GRIA1: variants seen among roughly 807,000 people sequenced by gnomAD.
GRIA1 encodes the protein glutamate ionotropic receptor AMPA type subunit 1, also known as glutamate receptor 1.
Under a neutral mutation model 99.2 loss-of-function variants are expected in GRIA1, and 31 were observed. The ratio of observed to expected loss-of-function variants is 0.31; its 90% CI spans 0.23 to 0.42. The LOEUF (loss-of-function observed/expected upper bound fraction) is 0.42. Ranked by LOEUF, GRIA1 falls within the 10% of genes least tolerant of loss-of-function variation. The pLI is 1.00. For synonymous variants in GRIA1, 438 were observed against 432.4 expected (o/e 1.01, Z -0.16); for missense variants, 782 against 1,157.5 (o/e 0.68, Z 4.71).
chr5:153,623,077 G>A (rs1767217243), intron 2 of GRIA1, among the ~76,000 whole-genome samples: 1 of 152,188 alleles, frequency 6.6e-6, no homozygotes, highest in South Asian at 2.1e-4. Flanking sequence ...TTTGAACTCA[G>A]GTTGGTTTCA....
In GRIA1 at chr5:153,656,131, G is replaced by A. The variant is rs555052300; in HGVS notation, c.699+259G>A. On this transcript the variant is annotated intron_variant, in intron 5 of 15. Transcript: ENST00000285900. ...CGGCTTTATCATCTTCACAATTCCA[G>A]CTTTAATTGGCTCTGCCCCTTGGCA... Among the ~76,000 whole-genome samples, 10 of 152,220 alleles carry A rather than the reference G, an allele frequency of 6.6e-5. No individual in the cohort carries two copies. The South Asian group carries it at 1.9e-3, about 28-fold the overall frequency.
In GRIA1 at chr5:153,593,407, GAT is replaced by G. The variant is rs987280672; in HGVS notation, c.221-53520_221-53519del. Among the ~76,000 whole-genome samples, 19 of 152,214 alleles carry G rather than the reference GAT, an allele frequency of 1.2e-4. No homozygotes were observed. The South Asian group carries it at 1.7e-3, about 13-fold the overall frequency. On this transcript the variant is annotated intron_variant, in intron 2 of 15. Coordinates refer to ENST00000285900, the MANE Select transcript of GRIA1 (RefSeq NM_000827.4). The stretch of plus-strand genomic sequence containing the variant: ...GGAGTCCATAGCAATGCCGTTTCCT[GAT>G]TTTTCAATTTTAGATATTAGTTTTT...
intron 2 of GRIA1, among the ~76,000 whole-genome samples, chr5:153,505,407 C>A (rs2113271548): frequency 6.6e-6 from 1 of 152,282 alleles, no homozygotes; most frequent in Non-Finnish European, 1.5e-5. Flanking sequence ...ATTTGACATG[C>A]TCTGGCAACT....
rs887065939 is a variant in GRIA1 at position 153,566,963 on chromosome 5, C to T, written c.220+72898C>T. Among the ~76,000 whole-genome samples the T allele has an allele frequency of 6.0e-5, 9 of 151,076 alleles. No homozygotes were observed. The East Asian group carries it at 1.4e-3, about 23-fold the overall frequency. On this transcript the variant is annotated intron_variant, in intron 2 of 15. Coordinates refer to ENST00000285900, the MANE Select transcript of GRIA1 (RefSeq NM_000827.4). Reference sequence around the variant, plus strand: ...AACTCCTGACCTCGGGTGATCCACCCGCCTCGGCCTCCCAAAGTGCTGGGA... The same window carrying T: ...AACTCCTGACCTCGGGTGATCCACCTGCCTCGGCCTCCCAAAGTGCTGGGA...
chr5:153,558,124 G>T (rs1353619642), intron 2 of GRIA1: 3 of 151,942 alleles, frequency 2.0e-5, no homozygotes, highest in Non-Finnish European at 4.4e-5. Flanking sequence ...CATTACTATG[G>T]CCAAGATATC....
chr5:153,532,930 C>T (rs1024276677), intron 2 of GRIA1, among the ~76,000 whole-genome samples: 28 of 152,216 alleles, frequency 1.8e-4, no homozygotes, highest in Non-Finnish European at 3.5e-4. Context: ...TTTTTAAGAA[C>T]ACTTAGCCCA....
At chr5:153,552,496 T>A (rs1319193596) in intron 2 of GRIA1, among the ~76,000 whole-genome samples, 2 of 152,222 alleles carry the variant, frequency 1.3e-5, no homozygotes, top group East Asian at 3.9e-4. Flanking sequence ...AGAACAAGGA[T>A]TTTCTAATGT....
At chr5:153,619,899 A>G (rs1581344732) in intron 2 of GRIA1, among the ~76,000 whole-genome samples, 2 of 152,194 alleles carry the variant, frequency 1.3e-5, no homozygotes, top group South Asian at 4.1e-4. Flanking sequence ...CTTGAGGACA[A>G]TATTTCCCCA....
rs181660630 is a variant in GRIA1 at position 153,581,239 on chromosome 5, C to A, written c.221-65689C>A. 1.6e-4 allele frequency among the ~76,000 whole-genome samples: 24 copies of A among 152,282 alleles called. No individual in the cohort carries two copies. The East Asian group carries it at 4.2e-3, about 27-fold the overall frequency. On this transcript the variant is annotated intron_variant, in intron 2 of 15. Transcript: ENST00000285900. The stretch of plus-strand genomic sequence containing the variant: ...TTCTAAACTGTTCACATCAAATGAA[C>A]CTTAAACATTTACTCCTCTCTTAAA...
chr5:153,530,723 C>G lies in GRIA1; in HGVS notation c.220+36658C>G, dbSNP rs193217752. The stretch of plus-strand genomic sequence containing the variant: ...CCTCCCTATGTCCTTGAGGGCTGCC[C>G]TCTCTGGTAAGGAGCCTTCTTTCTG... On this transcript the variant is annotated intron_variant, in intron 2 of 15. Transcript: ENST00000285900. 2.2e-3 allele frequency among the ~76,000 whole-genome samples: 331 copies of G among 152,338 alleles called. 1 individual carries two copies. Among genetic ancestry groups the G allele is most frequent in the African/African-American group, 7.6e-3 (316 of 41,570 alleles).
chr5:153,631,565 G>T (rs1021958192), intron 2 of GRIA1, among the ~76,000 whole-genome samples: 3 of 152,084 alleles, frequency 2.0e-5, no homozygotes, highest in Non-Finnish European at 4.4e-5. Context: ...TGTAATATTA[G>T]GTATCAGAGA....
intron 2 of GRIA1, among the ~76,000 whole-genome samples, chr5:153,549,672 C>A (rs1413546825): frequency 2.0e-5 from 3 of 152,110 alleles, no homozygotes; most frequent in Admixed American, 2.0e-4. Flanking sequence ...CCTCCCTTTT[C>A]AAAAATTTTC....
At chr5:153,542,457 T>A (rs1399950729) in intron 2 of GRIA1, among the ~76,000 whole-genome samples, 2 of 152,218 alleles carry the variant, frequency 1.3e-5, no homozygotes, top group Admixed American at 1.3e-4. Context: ...AGATGTATAA[T>A]AAATGACATC....
At chr5:153,559,777 A>T (rs1305077276) in intron 2 of GRIA1, among the ~76,000 whole-genome samples, 1 of 152,170 alleles carries the variant, frequency 6.6e-6, no homozygotes, top group Non-Finnish European at 1.5e-5. Flanking sequence ...GGTCATTGTT[A>T]ACCAAAACAT....
intron 2 of GRIA1, among the ~76,000 whole-genome samples, chr5:153,577,194 ATGGATG>A (rs1762647724): frequency 7.8e-6 from 1 of 128,168 alleles, no homozygotes; most frequent in Non-Finnish European, 1.8e-5. Context: ...GGATGGATGG[ATGGATG>A]GGAGAAACAG....
Position 153,743,019 on chromosome 5 carries a change from C to T in GRIA1, c.1824-21415C>T, listed in dbSNP as rs182728538. On this transcript the variant is annotated intron_variant, in intron 11 of 15. Coordinates refer to ENST00000285900, the MANE Select transcript of GRIA1 (RefSeq NM_000827.4). ...GGTGAGGAAATTGAAGCTTAGTGTG[C>T]TTAGGTAACTTGTCCAAGGACACCA... Among the ~76,000 whole-genome samples the T allele has an allele frequency of 2.4e-3, 373 of 152,254 alleles. 8 individuals carry two copies. The South Asian group carries it at 0.056, about 23-fold the overall frequency.
At chr5:153,514,855 AT>A (rs1321507333) in intron 2 of GRIA1, among the ~76,000 whole-genome samples, 6 of 152,352 alleles carry the variant, frequency 3.9e-5, no homozygotes, top group Admixed American at 2.0e-4. Context: ...ATATAAAAAA[AT>A]GTTCCACATC....
chr5:153,613,668 A>G (rs909232407), intron 2 of GRIA1, among the ~76,000 whole-genome samples: 6 of 151,140 alleles, frequency 4.0e-5, no homozygotes, highest in Admixed American at 3.9e-4. Context: ...ACAAACCACA[A>G]TGGCTTTTGC....
Position 153,811,052 on chromosome 5 carries a change from A to G in GRIA1, c.2548A>G (p.Ile850Val), listed in dbSNP as rs1352082772. ...TTTTTGTTTGATCCCACAGCAATCC[A>G]TCAACGAAGCCATACGGACATCGAC... The part of the protein sequence containing the change: ...KGFCLIPQQS[I>V]NEAIRTSTLP... Residue 850 changes from isoleucine to valine, a missense_variant, in exon 16 of 16, where the codon ATC (isoleucine) becomes GTC (valine). Physicochemically the swap from Ile to Val is conservative, Grantham distance 29. This residue lies in a region of GRIA1 where 119 missense variants were observed against 326.6 expected (regional missense o/e 0.36). Transcript: ENST00000285900. 1 of 1,614,086 alleles carries G rather than the reference A, an allele frequency of 6.2e-7. No individual in the cohort carries two copies. The highest frequency in any genetic ancestry group is 2.2e-5 in the East Asian group (1 of 44,884).
Sources: allele counts gnomAD v4.1 joint callset (sites outside exome capture counted in the v4.1 genomes callset), GRCh38; gene constraint gnomAD v4.1.1; regional missense constraint gnomAD v4.1.1; transcripts MANE v1.5; gene names NCBI Gene and HGNC (gene_info 2026-07-23, HGNC 2026-07-21).